The following WLS variants were observed in gnomAD, a reference collection of about 807,000 sequenced individuals.
WLS encodes the protein Wnt ligand secretion mediator.
Under a neutral mutation model 62.8 loss-of-function variants are expected in WLS, and 23 were observed. The ratio of observed to expected loss-of-function variants is 0.37; its 90% CI spans 0.26 to 0.52. WLS has a LOEUF of 0.52. Among genes scored for constraint, WLS ranks in the 20% least tolerant of loss-of-function variants. WLS has a pLI of 0.92. For missense variants in WLS, 615 were observed against 697.3 expected (o/e 0.88, Z 1.33); for synonymous variants, 246 against 244.1 (o/e 1.01, Z -0.07).
intron 1 of WLS, among the ~76,000 whole-genome samples, chr1:68,231,328 AGCT>A (rs1204561424): frequency 6.6e-6 from 1 of 151,882 alleles, no homozygotes; most frequent in African/African-American, 2.4e-5. Flanking sequence ...GAGGCCGGCG[AGCT>A]GTCACCTGCG....
intron 2 of WLS, 44 bp from the exon 3 acceptor site, chr1:68,159,291 G>T (rs201497706): frequency 3.1e-6 from 5 of 1,591,576 alleles, no homozygotes; most frequent in African/African-American, 1.4e-5. Flanking sequence ...CTTTTGGAAA[G>T]ATATTTTAGA....
chr1:68,184,911 T>C (rs1015587811), intron 2 of WLS, among the ~76,000 whole-genome samples: 7 of 151,706 alleles, frequency 4.6e-5, no homozygotes, highest in African/African-American at 1.7e-4. Context: ...ATTTAGAAGT[T>C]GAACTCCGAG....
chr1:68,210,210 G>A (rs1462085187), intron 1 of WLS, among the ~76,000 whole-genome samples: 1 of 152,168 alleles, frequency 6.6e-6, no homozygotes, highest in Non-Finnish European at 1.5e-5. Flanking sequence ...TGGTTGCCAT[G>A]GTAGCAGAGG....
In WLS at chr1:68,230,408, A is replaced by G. The variant is rs549664184; in HGVS notation, c.106+1786T>C. ...TCTAACTGCAACTGCTCATCAAGGG[A>G]GACAAGAGGTGTAATTGTAACCGCT... is the stretch of plus-strand genomic sequence containing the variant. On this transcript the variant is annotated intron_variant, in intron 1 of 11. Coordinates refer to ENST00000262348, the MANE Select transcript of WLS (RefSeq NM_024911.7). 1.0e-3 allele frequency among the ~76,000 whole-genome samples: 155 copies of G among 152,260 alleles called. No individual in the cohort carries two copies. The Middle Eastern group carries it at 0.017, about 17-fold the overall frequency.
Position 68,137,872 on chromosome 1 carries a change from G to C in WLS, c.1424C>G (p.Thr475Arg). 6 of 1,613,996 alleles carry C rather than the reference G, an allele frequency of 3.7e-6. No individual in the cohort carries two copies. Among genetic ancestry groups the C allele is most frequent in the Non-Finnish European group, 5.1e-6 (6 of 1,179,906 alleles). The stretch of plus-strand genomic sequence containing the variant: ...CAGATTCCACATCCCATAGATGCCT[G>C]TGAAAAAGGCACTGTTCACTTGGAC... ...VTVQVNSAFFTGIYGMWNLYV... is the reference protein window; with the variant it reads ...VTVQVNSAFFRGIYGMWNLYV... Residue 475 changes from threonine to arginine, a missense_variant, in exon 11 of 12, where the codon ACA (threonine) becomes AGA (arginine). Thr to Arg is a moderately conservative substitution (Grantham distance 71). Transcript: ENST00000262348.
At chr1:68,163,320 C>T (rs749814428) in intron 2 of WLS, among the ~76,000 whole-genome samples, 2 of 152,190 alleles carry the variant, frequency 1.3e-5, no homozygotes, top group Non-Finnish European at 2.9e-5. Flanking sequence ...AAACCCTCGT[C>T]CCGGACGGTC....
At chr1:68,141,018 T>G (rs1029707103) in intron 10 of WLS, among the ~76,000 whole-genome samples, 1 of 102,728 alleles carries the variant, frequency 9.7e-6, no homozygotes, top group Non-Finnish European at 1.9e-5. Context: ...AATCTCACCC[T>G]CTGCATAAGT....
chr1:68,204,434 C>G (rs1649189950), intron 1 of WLS, among the ~76,000 whole-genome samples: 1 of 152,082 alleles, frequency 6.6e-6, no homozygotes, highest in South Asian at 2.1e-4. Context: ...ATTGTCCTGC[C>G]TCAGCCTCCA....
downstream of WLS, among the ~76,000 whole-genome samples, chr1:68,124,438 T>C (rs1646399941): frequency 6.6e-6 from 1 of 152,200 alleles, no homozygotes; most frequent in Admixed American, 6.5e-5. Flanking sequence ...GCATCTTTCT[T>C]CTATGATTTT....
intron 1 of WLS, among the ~76,000 whole-genome samples, chr1:68,208,529 A>G (rs74081612): frequency 0.01 from 1,541 of 152,336 alleles, 31 homozygotes; most frequent in African/African-American, 0.035. Context: ...ACATCAAAGT[A>G]GATGGGAAAG....
At chr1:68,135,196 A>G (rs997468381) in intron 11 of WLS, among the ~76,000 whole-genome samples, 4 of 151,790 alleles carry the variant, frequency 2.6e-5, no homozygotes, top group Non-Finnish European at 4.4e-5. Flanking sequence ...GTTAGAGTAC[A>G]GTGGTACAAT....
chr1:68,114,446 A>G (rs1646265727), intron 11 of WLS, among the ~76,000 whole-genome samples: 2 of 152,248 alleles, frequency 1.3e-5, no homozygotes, highest in Admixed American at 1.3e-4. Flanking sequence ...GATGGCAAAG[A>G]CAATGATAGA....
At position 68,168,267 on chromosome 1, in the gene WLS, G is replaced by A. The variant is rs770931748; in HGVS notation, c.380-9020C>T. Reference sequence around the variant, plus strand: ...CCTTAATTGAGGAAGACATCAGAATGCTTGTCACCTAAGCTCTACACCTTC... The same window carrying A: ...CCTTAATTGAGGAAGACATCAGAATACTTGTCACCTAAGCTCTACACCTTC... On this transcript the variant is annotated intron_variant, in intron 2 of 11. Transcript: ENST00000262348. Among the ~76,000 whole-genome samples, 4 of 148,878 alleles carry A rather than the reference G, an allele frequency of 2.7e-5. No homozygotes were observed. The South Asian group carries it at 8.5e-4, about 32-fold the overall frequency.
intron 11 of WLS, among the ~76,000 whole-genome samples, chr1:68,115,563 C>T (rs1646280866): frequency 1.3e-5 from 2 of 152,278 alleles, no homozygotes; most frequent in Admixed American, 6.5e-5. Context: ...CCAGCATGCT[C>T]ATTGGTAATT....
intron 1 of WLS, among the ~76,000 whole-genome samples, chr1:68,195,442 T>C (rs1417679881): frequency 6.6e-6 from 1 of 152,228 alleles, no homozygotes; most frequent in African/African-American, 2.4e-5. Context: ...AGAGTAGTGC[T>C]TGGGCACACA....
At chr1:68,220,290 G>A (rs567303567) in intron 1 of WLS, among the ~76,000 whole-genome samples, 2 of 152,122 alleles carry the variant, frequency 1.3e-5, no homozygotes, top group African/African-American at 2.4e-5. Flanking sequence ...TTGACCTTAC[G>A]AGACACAAGT....
At position 68,232,233 on chromosome 1, in the gene WLS, C is replaced by G; in HGVS notation, c.67G>C (p.Val23Leu). 1.9e-6 allele frequency: 3 copies of G among 1,614,186 alleles called. No homozygotes were observed. The highest frequency in any genetic ancestry group is 2.2e-5 in the East Asian group (1 of 44,866). ...KLCIVGGILL[V>L]FQIIAFLVGG... Reference sequence around the variant, plus strand: ...ACCAGAAAGGCGATGATTTGGAACACGAGCAGAATCCCACCAACAATGCAC... The same window carrying G: ...ACCAGAAAGGCGATGATTTGGAACAGGAGCAGAATCCCACCAACAATGCAC... The change falls in exon 1 of 12, where the codon GTG becomes CTG. Residue 23 changes from valine to leucine, a missense_variant. Coordinates refer to ENST00000262348, the MANE Select transcript of WLS (RefSeq NM_024911.7).
At chr1:68,144,685 A>G in intron 9 of WLS, 33 bp from the exon 10 acceptor site, 1 of 1,515,926 alleles carries the variant, frequency 6.6e-7, no homozygotes, top group South Asian at 1.1e-5. Context: ...TTAATACTCC[A>G]TCAGCTACCA....
chr1:68,176,876 T>C (rs577962912), intron 2 of WLS, among the ~76,000 whole-genome samples: 2 of 152,322 alleles, frequency 1.3e-5, no homozygotes, highest in Admixed American at 1.3e-4. Flanking sequence ...CATCTAGCAT[T>C]GAGCCTGCAG....
Sources: gnomAD v4.1 joint callset for allele counts (sites outside exome capture counted in the v4.1 genomes callset) on GRCh38, gnomAD v4.1.1 for gene constraint, MANE v1.5 for transcripts, NCBI Gene and HGNC (gene_info 2026-07-23, HGNC 2026-07-21) for gene names.